The following F8 variants were observed in gnomAD, a reference collection of about 807,000 sequenced individuals.
The protein encoded by F8 is antihemophilic factor.
F8 carries 12 observed loss-of-function variants against 140.6 expected under a neutral mutation model. The observed-to-expected ratio is 0.09, with a 90% confidence interval of 0.05 to 0.14. F8 has a LOEUF of 0.14. Ranked by LOEUF, F8 falls within the 10% of genes least tolerant of loss-of-function variation. The pLI, the probability that F8 is intolerant of heterozygous loss-of-function variation, is 1.00. For missense variants in F8, 1,354 were observed against 1,720.7 expected (o/e 0.79, Z 3.77); for synonymous variants, 585 against 614.6 (o/e 0.95, Z 0.71).
At chrX:154,945,568 C>T (rs1211843205) in intron 13 of F8, among the ~76,000 whole-genome samples, 1 of 111,865 alleles carries the variant, frequency 8.9e-6, no homozygotes, top group Non-Finnish European at 1.9e-5. Flanking sequence ...AAACTCTAAA[C>T]AAACTGGGTA....
chrX:155,011,955 C>T (rs782353210), intron 1 of F8, among the ~76,000 whole-genome samples: 6 of 111,594 alleles, frequency 5.4e-5, no homozygotes, highest in East Asian at 2.8e-4. Context: ...ACCACAGTGA[C>T]GGAAAGTAGG....
intron 6 of F8, among the ~76,000 whole-genome samples, chrX:154,982,512 T>C (rs868993974): frequency 8.3e-5 from 9 of 108,854 alleles, no homozygotes; most frequent in Non-Finnish European, 1.3e-4. Context: ...TACATGTTGA[T>C]ACTAGACTAT....
intron 6 of F8, among the ~76,000 whole-genome samples, chrX:154,982,259 A>C (rs1293708716): frequency 9.3e-6 from 1 of 106,999 alleles, no homozygotes; most frequent in East Asian, 2.9e-4. Flanking sequence ...CATCCTGGCT[A>C]ACACAATGAA....
At chrX:154,880,067 C>T (rs2072848886) in intron 22 of F8, among the ~76,000 whole-genome samples, 1 of 112,023 alleles carries the variant, frequency 8.9e-6, no homozygotes, top group Admixed American at 9.5e-5. Flanking sequence ...AATGAATTTA[C>T]ACTAATAATG....
chrX:154,880,432 G>A (rs183208533), intron 22 of F8, among the ~76,000 whole-genome samples: 31 of 111,355 alleles, frequency 2.8e-4, no homozygotes, highest in African/African-American at 9.8e-4. Context: ...CCAGGCTTGA[G>A]GGAAAGCTGC....
At position 154,899,929 on chromosome X, in the gene F8, G is replaced by A; in HGVS notation, c.6210C>T (p.Ala2070=). The A allele has an allele frequency of 8.3e-7, 1 of 1,211,255 alleles. No homozygotes were observed. Among genetic ancestry groups the A allele is most frequent in the Non-Finnish European group, 1.1e-6 (1 of 895,218 alleles). Residue 2070 remains alanine, a synonymous_variant, in exon 21 of 26, where the codon GCC becomes GCT. Coordinates refer to ENST00000360256, the MANE Select transcript of F8 (RefSeq NM_000132.4). ...GQYGQWAPKL[A]RLHYSGSINA... ...TGATTGATCCGGAATAATGAAGTCT[G>A]GCCAGCTTTGGGGCCCACTGTCCTT...
intron 14 of F8, among the ~76,000 whole-genome samples, chrX:154,921,510 C>T (rs1305786351): frequency 9.0e-6 from 1 of 111,680 alleles, no homozygotes; most frequent in African/African-American, 3.3e-5. Flanking sequence ...GCCATTTGAC[C>T]CAGCCATCCC....
At chrX:154,947,986 A>G in intron 12 of F8, 79 bp from the exon 13 acceptor site, 1 of 765,265 alleles carries the variant, frequency 1.3e-6, no homozygotes, top group Non-Finnish European at 2.0e-6. Context: ...TGATACAATT[A>G]GGAATTATTA....
At chrX:154,840,881 C>T (rs1414035907) in intron 25 of F8, among the ~76,000 whole-genome samples, 14 of 111,990 alleles carry the variant, frequency 1.3e-4, no homozygotes, top group African/African-American at 1.6e-4. Context: ...CAAGATGAGC[C>T]GTACGGCCAT....
intron 11 of F8, among the ~76,000 whole-genome samples, chrX:154,955,200 G>A (rs2073357998): frequency 1.4e-5 from 1 of 72,488 alleles, no homozygotes; most frequent in Admixed American, 2.0e-4. Context: ...TTTTGAGACA[G>A]GGTGTCGCTT....
chrX:154,974,989 T>C (rs782468502), intron 6 of F8, among the ~76,000 whole-genome samples: 4 of 112,015 alleles, frequency 3.6e-5, no homozygotes, highest in Non-Finnish European at 7.5e-5. Flanking sequence ...TCACTTAGTC[T>C]GGCTAAAAGT....
At chrX:154,982,414 C>G (rs1204539059) in intron 6 of F8, among the ~76,000 whole-genome samples, 10 of 95,804 alleles carry the variant, frequency 1.0e-4, no homozygotes, top group African/African-American at 2.8e-4. Flanking sequence ...CGCCACTGCA[C>G]TCCAGCCTGG....
chrX:155,011,238 G>A (rs1473536743), intron 1 of F8, among the ~76,000 whole-genome samples: 5 of 111,780 alleles, frequency 4.5e-5, no homozygotes, highest in Non-Finnish European at 7.5e-5. Context: ...TTAAAAACAC[G>A]CAAAGCATTT....
chrX:155,016,400 A>G (rs2073734694), intron 1 of F8, among the ~76,000 whole-genome samples: 1 of 111,977 alleles, frequency 8.9e-6, no homozygotes, highest in African/African-American at 3.2e-5. Flanking sequence ...ACATGCACTT[A>G]CCATATGATC....
intron 14 of F8, among the ~76,000 whole-genome samples, chrX:154,911,132 G>A (rs1557276716): frequency 9.2e-6 from 1 of 108,935 alleles, no homozygotes. Context: ...TAAATACTGA[G>A]GGAACTGAGA....
At chrX:155,003,917 C>T (rs370031706) in intron 1 of F8, among the ~76,000 whole-genome samples, 34 of 98,538 alleles carry the variant, frequency 3.5e-4, no homozygotes, top group African/African-American at 1.0e-3. Flanking sequence ...GCCGAGTTCG[C>T]GCCACTGCAC....
intron 6 of F8, among the ~76,000 whole-genome samples, chrX:154,979,148 G>A (rs2073503370): frequency 8.9e-6 from 1 of 112,003 alleles, no homozygotes; most frequent in Non-Finnish European, 1.9e-5. Context: ...CAGCAAAGTG[G>A]CATGGTTGAT....
intron 14 of F8, among the ~76,000 whole-genome samples, chrX:154,925,322 T>C (rs782032478): frequency 2.6e-4 from 29 of 112,219 alleles, no homozygotes; most frequent in African/African-American, 9.0e-4. Flanking sequence ...GCTAGGGCAG[T>C]GCAGAAGGGA....
chrX:154,971,215 T>C (rs1179791190), intron 6 of F8, among the ~76,000 whole-genome samples: 4 of 111,727 alleles, frequency 3.6e-5, no homozygotes, highest in Admixed American at 9.5e-5. Flanking sequence ...ATTTTTCCCT[T>C]AGATCTTTTA....
Sources: gnomAD v4.1 joint callset for allele counts (sites outside exome capture counted in the v4.1 genomes callset) on GRCh38, gnomAD v4.1.1 for gene constraint, MANE v1.5 for transcripts, NCBI Gene and HGNC (gene_info 2026-07-23, HGNC 2026-07-21) for gene names.